Variants in PCDHA11 observed in about 807,000 individuals in gnomAD.
PCDHA11 encodes protocadherin alpha 11.
Under a neutral mutation model 70.3 loss-of-function variants are expected in PCDHA11, and 61 were observed. The observed-to-expected ratio is 0.87, with a 90% CI of 0.71 to 1.07. The LOEUF (loss-of-function observed/expected upper bound fraction) is 1.07. PCDHA11 is among the 50% of genes least tolerant of loss of function. PCDHA11 has a pLI of 0.00. For missense variants in PCDHA11, 1,324 were observed against 1,237.5 expected, an observed-to-expected ratio of 1.07 and a Z score of -1.05; for synonymous variants, 633 against 555.1, an observed-to-expected ratio of 1.14 and a Z score of -1.97.
rs190994194 is a variant in PCDHA11, at chr5:140,913,276, C to T, written c.2391+41782C>T. On this transcript the variant is annotated intron_variant, in intron 1 of 3. Transcript: ENST00000398640. ...TTTGATCTAATTACTTGTTATTGGTCTGTTTAGGTTTTAATTTCTTCATAG... is the reference window on the plus strand; with the variant it reads ...TTTGATCTAATTACTTGTTATTGGTTTGTTTAGGTTTTAATTTCTTCATAG... Among the ~76,000 whole-genome samples, 291 of 152,186 alleles carry T rather than the reference C, an allele frequency of 1.9e-3. 1 individual carries two copies. The highest frequency in any genetic ancestry group is 0.01 in the Middle Eastern group (3 of 294).
intron 3 of PCDHA11, among the ~76,000 whole-genome samples, chr5:141,005,628 G>C: frequency 6.7e-6 from 1 of 148,974 alleles, no homozygotes; most frequent in Non-Finnish European, 1.5e-5. Context: ...CGTGAACCCG[G>C]GAGGCGGAGC....
intron 3 of PCDHA11, among the ~76,000 whole-genome samples, chr5:141,000,961 C>A (rs1207814885): frequency 6.6e-6 from 1 of 151,948 alleles, no homozygotes; most frequent in Non-Finnish European, 1.5e-5. Flanking sequence ...GTAATTTAAG[C>A]CTTCATATTC....
intron 1 of PCDHA11, among the ~76,000 whole-genome samples, chr5:140,965,644 G>A (rs201197561): frequency 6.6e-6 from 1 of 152,028 alleles, no homozygotes; most frequent in African/African-American, 2.4e-5. Flanking sequence ...AATTACTCTT[G>A]AAAGAAAATG....
intron 1 of PCDHA11, chr5:140,928,717 T>C: frequency 6.2e-7 from 1 of 1,614,208 alleles, no homozygotes; most frequent in Non-Finnish European, 8.5e-7. Context: ...CTCTAGTCTC[T>C]TTAGAATTTC....
At position 140,969,285 on chromosome 5, in the gene PCDHA11, C is replaced by T. The variant is rs782734189; in HGVS notation, c.2392-9664C>T. The stretch of plus-strand genomic sequence containing the variant: ...CTCACAGGCCAAAGTGGTCAGAATG[C>T]TGGGAACCTGATTATTCTCAAAAAT... On this transcript the variant is annotated intron_variant, in intron 1 of 3. Coordinates refer to ENST00000398640, the MANE Select transcript of PCDHA11 (RefSeq NM_018902.5). 51 of 1,614,062 alleles carry T rather than the reference C, an allele frequency of 3.2e-5. No individual in the cohort carries two copies. The highest frequency in any genetic ancestry group is 4.3e-5 in the Non-Finnish European group (51 of 1,180,038).
intron 1 of PCDHA11, among the ~76,000 whole-genome samples, chr5:140,954,085 C>G (rs1477637836): frequency 1.3e-5 from 2 of 152,142 alleles, no homozygotes; most frequent in African/African-American, 4.8e-5. Context: ...GCTTCCAGCT[C>G]CATCCATGTC....
chr5:140,920,002 A>G (rs1260973070), intron 1 of PCDHA11, among the ~76,000 whole-genome samples: 1 of 152,230 alleles, frequency 6.6e-6, no homozygotes, highest in Non-Finnish European at 1.5e-5. Flanking sequence ...CACAGAGGAA[A>G]AGGCCATGCG....
chr5:140,939,481 A>G (rs1554212745), intron 1 of PCDHA11, among the ~76,000 whole-genome samples: 2 of 152,206 alleles, frequency 1.3e-5, no homozygotes, highest in Non-Finnish European at 2.9e-5. Flanking sequence ...CTTCATGAGA[A>G]TGTTAATTAT....
Position 141,011,633 on chromosome 5 carries a change from G to C in PCDHA11, c.*1696G>C, listed in dbSNP as rs988824031. On this transcript the variant is annotated 3_prime_UTR_variant, in exon 4 of 4. Coordinates refer to ENST00000398640, the MANE Select transcript of PCDHA11 (RefSeq NM_018902.5). ...TTATGGTCCAGCCAAGAGCCATCTC[G>C]TGCCAAGACTTCTGCTGGCAAGGGA... 6.5e-6 allele frequency: 1 copy of C among 153,624 alleles called. No homozygotes were observed. Among genetic ancestry groups the C allele is most frequent in the Non-Finnish European group, 1.5e-5 (1 of 68,022 alleles). 9.5% of individuals were successfully genotyped at this position (153,624 alleles called of 1,614,324 possible). A position where few individuals can be genotyped will look rare whatever the true frequency, so the allele number is the denominator to read the frequency against.
rs1562687946 is a variant in PCDHA11 at position 140,874,243 on chromosome 5, TG to T, written c.2391+2751del. ...GTAGGAATGAATGGCAACAAATTAT[TG>T]GTTTAAAGATTTTGACTTGAGTATT... On this transcript the variant is annotated intron_variant, in intron 1 of 3. Coordinates refer to ENST00000398640, the MANE Select transcript of PCDHA11 (RefSeq NM_018902.5). 2.0e-5 allele frequency among the ~76,000 whole-genome samples: 3 copies of T among 152,230 alleles called. No homozygotes were observed. In the South Asian group the frequency reaches 6.2e-4, roughly 32 times the overall value.
Position 140,869,751 on chromosome 5 carries a change from C to G in PCDHA11, c.648C>G (p.Asp216Glu). The G allele has an allele frequency of 1.2e-6, 2 of 1,613,134 alleles. No homozygotes were observed. ...PELNLLLTAT[D>E]GGKPELTGTV... is the part of the protein sequence containing the mutation. ...TTAATTTGCTGCTAACAGCTACAGA[C>G]GGGGGAAAACCAGAGCTTACTGGCA... The change falls in exon 1 of 4, where the codon GAC becomes GAG. Residue 216 changes from aspartate to glutamate, a missense_variant. Physicochemically the swap from Asp to Glu is conservative, Grantham distance 45. Coordinates refer to ENST00000398640, the MANE Select transcript of PCDHA11 (RefSeq NM_018902.5).
intron 1 of PCDHA11, chr5:140,968,672 G>A: frequency 6.2e-7 from 1 of 1,614,180 alleles, no homozygotes; most frequent in Non-Finnish European, 8.5e-7. Context: ...CTTTAAGGTA[G>A]AGCTGCACAC....
chr5:140,872,307 C>T (rs1329371918), intron 1 of PCDHA11, among the ~76,000 whole-genome samples: 2 of 152,046 alleles, frequency 1.3e-5, no homozygotes, highest in East Asian at 3.9e-4. Flanking sequence ...TTATATGCTG[C>T]TTTATGGAAA....
chr5:140,989,925 T>G (rs2097366658), intron 3 of PCDHA11, among the ~76,000 whole-genome samples: 1 of 151,810 alleles, frequency 6.6e-6, no homozygotes, highest in South Asian at 2.1e-4. Context: ...AGAGCAGAGA[T>G]AGATGACATT....
rs2096268798 is a variant in PCDHA11 at position 140,968,765 on chromosome 5, G to A, written c.2392-10184G>A. 8.1e-6 allele frequency: 13 copies of A among 1,614,078 alleles called. No homozygotes were observed. The East Asian group carries it at 2.2e-4, about 28-fold the overall frequency. On this transcript the variant is annotated intron_variant, in intron 1 of 3. Transcript: ENST00000398640. Reference sequence around the variant, plus strand: ...GACCGTGGTGGTCCGAGATAATGGAGAGCCATCACTATCAGCCTCTGTGGC... The same window carrying A: ...GACCGTGGTGGTCCGAGATAATGGAAAGCCATCACTATCAGCCTCTGTGGC...
At chr5:140,996,098 A>G (rs1173929406) in intron 3 of PCDHA11, among the ~76,000 whole-genome samples, 1 of 152,214 alleles carries the variant, frequency 6.6e-6, no homozygotes, top group Non-Finnish European at 1.5e-5. Context: ...ATTACATGGA[A>G]TGGTATGGAA....
intron 1 of PCDHA11, chr5:140,966,895 G>T: frequency 6.3e-7 from 1 of 1,596,682 alleles, no homozygotes. Flanking sequence ...CGGCCTCCCA[G>T]CTGCGATACT....
Position 140,979,023 on chromosome 5 carries a change from C to G in PCDHA11, c.2450+16C>G, listed in dbSNP as rs2096831948. On this transcript the variant is annotated intron_variant, in intron 2 of 3. Transcript: ENST00000398640. ...GCATGCACAGGTATGTATTTCCCTC[C>G]TCATTCACTCAGAAGTAACCTTAAC... The G allele has an allele frequency of 6.2e-7, 1 of 1,613,422 alleles. No homozygotes were observed.
At chr5:140,918,897 C>A (rs1381764249) in intron 1 of PCDHA11, among the ~76,000 whole-genome samples, 1 of 152,196 alleles carries the variant, frequency 6.6e-6, no homozygotes, top group Admixed American at 6.5e-5. Context: ...AAAAATAAAT[C>A]TCTCTTGTTT....
Sources: gnomAD v4.1 joint callset for allele counts (sites outside exome capture counted in the v4.1 genomes callset) on GRCh38, gnomAD v4.1.1 for gene constraint, MANE v1.5 for transcripts, NCBI Gene and HGNC (gene_info 2026-07-23, HGNC 2026-07-21) for gene names.